DSCAM: variants seen among roughly 807,000 people sequenced by gnomAD.
DSCAM encodes the protein DS cell adhesion molecule.
A neutral mutation model predicts 217.7 loss-of-function variants in DSCAM; 47 were observed. The observed-to-expected ratio is 0.22, with a 90% CI of 0.17 to 0.28. DSCAM has a LOEUF of 0.28. Ranked by LOEUF, DSCAM falls within the 10% of genes least tolerant of loss-of-function variation. DSCAM has a pLI of 1.00. For missense variants in DSCAM, 2,080 were observed against 2,618.3 expected (o/e 0.79, Z 4.49); for synonymous variants, 1,056 against 1,015.3 (o/e 1.04, Z -0.76).
intron 3 of DSCAM, among the ~76,000 whole-genome samples, chr21:40,477,560 T>C (rs894150776): frequency 1.3e-5 from 2 of 152,118 alleles, no homozygotes; most frequent in African/African-American, 4.8e-5. Flanking sequence ...ACCTGCCCAT[T>C]AAAACAGCAT....
intron 15 of DSCAM, among the ~76,000 whole-genome samples, chr21:40,175,908 T>C (rs1484338931): frequency 6.6e-6 from 1 of 151,536 alleles, no homozygotes; most frequent in Non-Finnish European, 1.5e-5. Context: ...ATCTCATACT[T>C]TCATCTCCCT....
At chr21:40,283,892 C>T (rs747845299) in intron 10 of DSCAM, among the ~76,000 whole-genome samples, 3 of 152,210 alleles carry the variant, frequency 2.0e-5, no homozygotes, top group East Asian at 1.9e-4. Context: ...ACTGAAGAGT[C>T]GCAGGACCAT....
chr21:40,568,670 G>C (rs551870527), intron 3 of DSCAM, among the ~76,000 whole-genome samples: 1 of 152,240 alleles, frequency 6.6e-6, no homozygotes, highest in East Asian at 1.9e-4. Flanking sequence ...AAAAGTTTTA[G>C]TAAATACAGA....
At chr21:40,746,953 C>T (rs1042301928) in intron 1 of DSCAM, among the ~76,000 whole-genome samples, 3 of 151,824 alleles carry the variant, frequency 2.0e-5, no homozygotes, top group Non-Finnish European at 4.4e-5. Flanking sequence ...AAGCAACACG[C>T]TCCTGAGCAA....
chr21:40,479,073 C>T (rs1279406537), intron 3 of DSCAM, among the ~76,000 whole-genome samples: 3 of 152,278 alleles, frequency 2.0e-5, no homozygotes, highest in African/African-American at 7.2e-5. Flanking sequence ...GCTGTAAGAA[C>T]AGAAGCCCAC....
intron 18 of DSCAM, among the ~76,000 whole-genome samples, chr21:40,134,709 C>G (rs557536751): frequency 1.3e-5 from 2 of 152,072 alleles, no homozygotes; most frequent in African/African-American, 2.4e-5. Flanking sequence ...TTGATTGTGG[C>G]GAGCATTTCA....
intron 3 of DSCAM, among the ~76,000 whole-genome samples, chr21:40,433,399 C>T (rs538321071): frequency 6.6e-5 from 10 of 151,118 alleles, no homozygotes; most frequent in African/African-American, 9.7e-5. Context: ...ACCAGCTGCA[C>T]GGGACCAACA....
chr21:40,079,199 G>C (rs925677886), intron 25 of DSCAM, among the ~76,000 whole-genome samples: 2 of 152,152 alleles, frequency 1.3e-5, no homozygotes, highest in Non-Finnish European at 2.9e-5. Flanking sequence ...AAATTGCATG[G>C]GTGGAGGTTA....
chr21:40,417,626 T>C (rs1385094120), intron 3 of DSCAM, among the ~76,000 whole-genome samples: 1 of 152,232 alleles, frequency 6.6e-6, no homozygotes, highest in Non-Finnish European at 1.5e-5. Flanking sequence ...ATCTTATTGC[T>C]ATAGTATGGA....
intron 16 of DSCAM, among the ~76,000 whole-genome samples, chr21:40,156,466 T>G (rs1302634871): frequency 6.6e-6 from 1 of 152,198 alleles, no homozygotes; most frequent in Non-Finnish European, 1.5e-5. Context: ...GCCTGCCCAC[T>G]GAAAGGTGAG....
At chr21:40,307,719 G>A (rs1306686821) in intron 9 of DSCAM, among the ~76,000 whole-genome samples, 1 of 152,140 alleles carries the variant, frequency 6.6e-6, no homozygotes, top group African/African-American at 2.4e-5. Flanking sequence ...TTAAGAAAAT[G>A]TGGCACATAT....
chr21:40,742,792 T>C (rs1201852956), intron 1 of DSCAM, among the ~76,000 whole-genome samples: 1 of 152,232 alleles, frequency 6.6e-6, no homozygotes, highest in African/African-American at 2.4e-5. Flanking sequence ...ACCAGATTCA[T>C]TGTTACTGTT....
chr21:40,146,027 C>T (rs187247911), intron 16 of DSCAM, among the ~76,000 whole-genome samples: 10 of 151,802 alleles, frequency 6.6e-5, no homozygotes, highest in Admixed American at 6.6e-4. Context: ...TACACGTACA[C>T]ACATACATTT....
At chr21:40,759,057 A>C (rs1435953386) in intron 1 of DSCAM, among the ~76,000 whole-genome samples, 1 of 152,088 alleles carries the variant, frequency 6.6e-6, no homozygotes, top group Non-Finnish European at 1.5e-5. Context: ...AGGGGTGTGA[A>C]ATGGGGTAGT....
At chr21:40,727,371 C>A (rs1205106673) in intron 1 of DSCAM, among the ~76,000 whole-genome samples, 1 of 152,166 alleles carries the variant, frequency 6.6e-6, no homozygotes, top group African/African-American at 2.4e-5. Context: ...TGTGATTCTT[C>A]TGCACATTTG....
intron 3 of DSCAM, among the ~76,000 whole-genome samples, chr21:40,649,821 G>A (rs1278364395): frequency 2.0e-5 from 3 of 152,202 alleles, no homozygotes; most frequent in Admixed American, 2.0e-4. Context: ...GATGGCACCA[G>A]CTCCTCTTTT....
intron 11 of DSCAM, among the ~76,000 whole-genome samples, chr21:40,233,707 G>A (rs2091402102): frequency 6.6e-6 from 1 of 152,082 alleles, no homozygotes; most frequent in African/African-American, 2.4e-5. Context: ...ACACACGCAT[G>A]TACACACATA....
intron 11 of DSCAM, among the ~76,000 whole-genome samples, chr21:40,259,221 T>G (rs1371442443): frequency 1.3e-5 from 2 of 151,446 alleles, no homozygotes; most frequent in Non-Finnish European, 2.9e-5. Context: ...CCATCCAGAG[T>G]GCAATGCAAA....
At chr21:40,679,508 A>G (rs978056284) in intron 3 of DSCAM, among the ~76,000 whole-genome samples, 4 of 152,234 alleles carry the variant, frequency 2.6e-5, no homozygotes, top group African/African-American at 7.2e-5. Context: ...CAATTACTTA[A>G]TGGGGTTGTC....
Sources: gnomAD v4.1 joint callset for allele counts (sites outside exome capture counted in the v4.1 genomes callset) on GRCh38, gnomAD v4.1.1 for gene constraint, MANE v1.5 for transcripts, NCBI Gene and HGNC (gene_info 2026-07-23, HGNC 2026-07-21) for gene names.